The following CNTN5 variants were observed in gnomAD, a reference collection of about 807,000 sequenced individuals.
The protein encoded by CNTN5 is contactin 5, also known as contactin-5.
A neutral mutation model predicts 129.1 loss-of-function variants in CNTN5; 77 were observed. The observed-to-expected ratio is 0.60, with a 90% CI of 0.50 to 0.72. The LOEUF is 0.72. Among genes scored for constraint, CNTN5 ranks in the 30% least tolerant of loss-of-function variants. CNTN5 has a pLI of 0.00. For missense variants in CNTN5, 1,478 were observed against 1,328.8 expected (o/e 1.11, Z -1.75); for synonymous variants, 509 against 465.6 (o/e 1.09, Z -1.20).
intron 2 of CNTN5, among the ~76,000 whole-genome samples, chr11:99,479,540 T>C (rs1278447544): frequency 6.6e-6 from 1 of 152,054 alleles, no homozygotes; most frequent in Non-Finnish European, 1.5e-5. Context: ...ACTTAAATAA[T>C]CTAATTATAA....
intron 13 of CNTN5, among the ~76,000 whole-genome samples, chr11:100,149,688 C>G (rs112725606): frequency 6.6e-6 from 1 of 151,728 alleles, no homozygotes; most frequent in Non-Finnish European, 1.5e-5. Context: ...GTCAGGAGAT[C>G]GAGACCATCC....
At chr11:99,860,350 T>G (rs1400647215) in intron 6 of CNTN5, among the ~76,000 whole-genome samples, 1 of 152,164 alleles carries the variant, frequency 6.6e-6, no homozygotes, top group Non-Finnish European at 1.5e-5. Flanking sequence ...TTGCATTTGC[T>G]TTTGAGGACT....
intron 1 of CNTN5, among the ~76,000 whole-genome samples, chr11:99,247,159 A>T (rs1257728746): frequency 2.0e-5 from 3 of 152,158 alleles, no homozygotes; most frequent in Non-Finnish European, 2.9e-5. Flanking sequence ...TTCTGGAGTT[A>T]TTAGCATTGA....
intron 13 of CNTN5, among the ~76,000 whole-genome samples, chr11:100,156,798 G>C (rs1326152622): frequency 6.6e-6 from 1 of 151,900 alleles, no homozygotes; most frequent in Non-Finnish European, 1.5e-5. Context: ...GGTATTTATA[G>C]ATTCTCTGAT....
At chr11:99,875,907 C>T (rs1246205204) in intron 6 of CNTN5, among the ~76,000 whole-genome samples, 1 of 151,942 alleles carries the variant, frequency 6.6e-6, no homozygotes, top group African/African-American at 2.4e-5. Flanking sequence ...ATTTTTCACA[C>T]CATAAAAGGA....
intron 8 of CNTN5, among the ~76,000 whole-genome samples, chr11:99,968,656 CTTTTTTTTTTTTTTTT>C (rs71050037): frequency 4.1e-5 from 3 of 73,868 alleles, no homozygotes; most frequent in African/African-American, 4.8e-5. Context: ...GCTTTGGGTA[CTTTTTTTTTTTTTTTT>C]TTTTTTTTTT....
chr11:99,934,203 T>C (rs1340534803), intron 7 of CNTN5, among the ~76,000 whole-genome samples: 2 of 152,218 alleles, frequency 1.3e-5, no homozygotes, highest in Non-Finnish European at 2.9e-5. Flanking sequence ...AAATCAAATA[T>C]TAGTCATACA....
At chr11:99,388,181 C>T (rs1291729751) in intron 2 of CNTN5, among the ~76,000 whole-genome samples, 7 of 151,708 alleles carry the variant, frequency 4.6e-5, no homozygotes, top group African/African-American at 7.3e-5. Context: ...TTTGGGAGGC[C>T]GAGGCGGGCA....
chr11:99,236,736 A>G (rs1172975874), intron 1 of CNTN5, among the ~76,000 whole-genome samples: 1 of 152,158 alleles, frequency 6.6e-6, no homozygotes, highest in East Asian at 1.9e-4. Context: ...TTGCAAACAA[A>G]TTACATACGA....
intron 2 of CNTN5, among the ~76,000 whole-genome samples, chr11:99,485,792 T>C (rs74916810): frequency 0.04 from 6,132 of 152,116 alleles, 170 homozygotes; most frequent in South Asian, 0.082. Flanking sequence ...TTTCTCACAG[T>C]ATTCTTTATT....
intron 4 of CNTN5, among the ~76,000 whole-genome samples, chr11:99,841,771 G>A (rs1447654311): frequency 4.3e-5 from 4 of 93,744 alleles, no homozygotes; most frequent in Admixed American, 1.3e-4. Flanking sequence ...TTATATTCCA[G>A]GTTTGACATT....
At chr11:99,645,120 C>T (rs1169046554) in intron 3 of CNTN5, among the ~76,000 whole-genome samples, 1 of 132,990 alleles carries the variant, frequency 7.5e-6, no homozygotes, top group Admixed American at 7.5e-5. Context: ...AAAAGCCAGG[C>T]GTGATGCTGG....
chr11:99,024,205 C>A (rs1201942816), intron 1 of CNTN5, among the ~76,000 whole-genome samples: 1 of 152,106 alleles, frequency 6.6e-6, no homozygotes, highest in East Asian at 1.9e-4. Context: ...CCTACCCACT[C>A]AAGTAAGAAA....
chr11:99,972,930 C>T (rs1565740946), intron 8 of CNTN5, among the ~76,000 whole-genome samples: 1 of 152,046 alleles, frequency 6.6e-6, no homozygotes, highest in Non-Finnish European at 1.5e-5. Context: ...GTAAAATGTA[C>T]TGAGTGTTTC....
chr11:100,321,989 T>C (rs1029988901), intron 21 of CNTN5, among the ~76,000 whole-genome samples: 3 of 152,172 alleles, frequency 2.0e-5, no homozygotes, highest in Admixed American at 6.5e-5. Flanking sequence ...GATATTGGCA[T>C]ATAGATATTT....
At chr11:99,704,950 A>C (rs1475108604) in intron 3 of CNTN5, among the ~76,000 whole-genome samples, 1 of 151,258 alleles carries the variant, frequency 6.6e-6, no homozygotes, top group African/African-American at 2.4e-5. Context: ...CATTCCAATA[A>C]TTATTTCCAA....
chr11:100,152,085 C>A (rs1164099934), intron 13 of CNTN5, among the ~76,000 whole-genome samples: 1 of 152,150 alleles, frequency 6.6e-6, no homozygotes, highest in Non-Finnish European at 1.5e-5. Flanking sequence ...AGCCTTGAGC[C>A]TCTAAGTGAA....
At chr11:99,827,781 T>C (rs1947012776) in intron 4 of CNTN5, among the ~76,000 whole-genome samples, 1 of 150,486 alleles carries the variant, frequency 6.6e-6, no homozygotes, top group African/African-American at 2.4e-5. Context: ...CTCTCTATAG[T>C]ATAATGTTAA....
chr11:99,746,439 C>T (rs998749853), intron 3 of CNTN5, among the ~76,000 whole-genome samples: 3 of 152,150 alleles, frequency 2.0e-5, no homozygotes, highest in African/African-American at 4.8e-5. Context: ...ATGAAGGGTC[C>T]TCCACCCCCA....
Sources: allele counts gnomAD v4.1 joint callset (sites outside exome capture counted in the v4.1 genomes callset), GRCh38; gene constraint gnomAD v4.1.1; transcripts MANE v1.5; gene names NCBI Gene and HGNC (gene_info 2026-07-23, HGNC 2026-07-21).